Variants in SORCS2 observed in about 807,000 individuals in gnomAD.
The protein encoded by SORCS2 is VPS10 domain-containing receptor SorCS2.
SORCS2 carries 100 observed loss-of-function variants against 141.6 expected under a neutral mutation model. The ratio of observed to expected loss-of-function variants is 0.71; its 90% CI spans 0.60 to 0.83. The LOEUF is 0.83. Among genes scored for constraint, SORCS2 ranks in the 40% least tolerant of loss-of-function variants. The pLI is 0.00. For synonymous variants in SORCS2, 789 were observed against 676.9 expected, an observed-to-expected ratio of 1.17 and a Z score of -2.57; for missense variants, 1,646 against 1,560.2, an observed-to-expected ratio of 1.05 and a Z score of -0.93.
rs1220439245 is a variant in SORCS2 at position 7,663,680 on chromosome 4, A to G, written c.953-673A>G. Among the ~76,000 whole-genome samples the G allele has an allele frequency of 6.6e-6, 1 of 152,072 alleles. No homozygotes were observed. The highest frequency in any genetic ancestry group is 2.4e-5 in the African/African-American group (1 of 41,412). ...AAACGTCTTCCCTTAACCATTCTCC[A>G]TGCTGCCGGGTCACCCAAGGCTGGG... On this transcript the variant is annotated intron_variant, in intron 6 of 26. Transcript: ENST00000507866. This position sits in a 1 kb window ranked among gnomAD's most constrained non-coding sequence, Gnocchi z 4.8.
chr4:7,467,797 C>T (rs749801991), intron 2 of SORCS2, among the ~76,000 whole-genome samples: 18 of 152,234 alleles, frequency 1.2e-4, no homozygotes, highest in African/African-American at 3.4e-4. Context: ...CTGTGGCTCC[C>T]GGAGCCGGTC....
intron 14 of SORCS2, among the ~76,000 whole-genome samples, chr4:7,706,304 CAGGGATGAGGCTGGGCTCCGT>C (rs1206314092): frequency 2.8e-4 from 39 of 139,272 alleles, no homozygotes; most frequent in South Asian, 7.7e-4. Context: ...TCCGTCTGGG[CAGGGATGAGGCTGGGCTCCGT>C]CTGGGCAGGG....
intron 2 of SORCS2, among the ~76,000 whole-genome samples, chr4:7,493,710 G>A (rs1424480061): frequency 6.6e-6 from 1 of 152,180 alleles, no homozygotes; most frequent in African/African-American, 2.4e-5. Flanking sequence ...GGCTCCAGCT[G>A]GTCAGAGAGA....
intron 2 of SORCS2, among the ~76,000 whole-genome samples, chr4:7,455,728 ATCTTGGGGTCAGGCTCCG>A (rs942599429): frequency 6.3e-5 from 7 of 111,542 alleles, no homozygotes; most frequent in Non-Finnish European, 1.1e-4. Flanking sequence ...GTCAGGCACC[ATCTTGGGGTCAGGCTCCG>A]TCTTGGGGTC....
chr4:7,480,627 G>T lies in SORCS2; in HGVS notation c.549-50903G>T, dbSNP rs374347968. Among the ~76,000 whole-genome samples, 95 of 152,356 alleles carry T rather than the reference G, an allele frequency of 6.2e-4. 1 individual carries two copies. In the South Asian group the frequency reaches 0.018, roughly 30 times the overall value. On this transcript the variant is annotated intron_variant, in intron 2 of 26. Transcript: ENST00000507866. ...TGAGGAAACAGTTCCACCTGCCACA[G>T]TGAAACTGGGATGGCAGGTGCCCCG...
At chr4:7,352,555 G>A (rs992867539) in intron 1 of SORCS2, among the ~76,000 whole-genome samples, 1 of 152,220 alleles carries the variant, frequency 6.6e-6, no homozygotes, top group Non-Finnish European at 1.5e-5. Context: ...GAGAAAGCCA[G>A]TGGGCTGAGC....
At chr4:7,595,267 C>A (rs922960428) in intron 3 of SORCS2, among the ~76,000 whole-genome samples, 1 of 152,210 alleles carries the variant, frequency 6.6e-6, no homozygotes, top group East Asian at 1.9e-4. Flanking sequence ...GCTGCCACAT[C>A]CTCTCCAGCC....
chr4:7,714,388 C>T lies in SORCS2; in HGVS notation c.2123+15C>T, dbSNP rs757781043. The T allele has an allele frequency of 3.9e-6, 6 of 1,548,536 alleles. No individual in the cohort carries two copies. The highest frequency in any genetic ancestry group is 1.2e-5 in the South Asian group (1 of 84,030). ...GACTTCCTGTGGTGAGCGACGGGCT[C>T]CTGGCCACGAGGCCTCAGGCGCTGC... On this transcript the variant is annotated intron_variant, in intron 16 of 26. Coordinates refer to ENST00000507866, the MANE Select transcript of SORCS2 (RefSeq NM_020777.3).
rs1391817428 is a variant in SORCS2 at position 7,695,645 on chromosome 4, TGGATGGATGGATG to T, written c.1592-1551_1592-1539del. Among the ~76,000 whole-genome samples the T allele has an allele frequency of 3.6e-4, 4 of 11,074 alleles. 1 individual carries two copies. Among genetic ancestry groups the T allele is most frequent in the African/African-American group, 1.4e-3 (4 of 2,808 alleles). 7.3% of individuals were successfully genotyped at this position (11,074 alleles called of 152,430 possible). On this transcript the variant is annotated intron_variant, in intron 11 of 26. Transcript: ENST00000507866. ...ATGGATGGATGGGTGGGTGGATGGATGGATGGATGGATGGATGGATGGATGGATGGATGGATGG... is the reference window on the plus strand; with the variant it reads ...ATGGATGGATGGGTGGGTGGATGGATGATGGATGGATGGATGGATGGATGG...
chr4:7,722,140 A>G (rs1412161346), intron 18 of SORCS2, among the ~76,000 whole-genome samples: 1 of 152,210 alleles, frequency 6.6e-6, no homozygotes, highest in Non-Finnish European at 1.5e-5. Flanking sequence ...GCAGGAACAC[A>G]AGGCCCCGAG....
intron 1 of SORCS2, among the ~76,000 whole-genome samples, chr4:7,316,291 C>T (rs1718551229): frequency 6.6e-6 from 1 of 152,174 alleles, no homozygotes; most frequent in South Asian, 2.1e-4. Flanking sequence ...TTCATGTATC[C>T]ATCCAAACAA....
intron 3 of SORCS2, among the ~76,000 whole-genome samples, chr4:7,593,742 G>A (rs1229437711): frequency 6.6e-6 from 1 of 152,210 alleles, no homozygotes; most frequent in African/African-American, 2.4e-5. Flanking sequence ...TTGCCAGCCA[G>A]CACAGGACCA....
intron 9 of SORCS2, among the ~76,000 whole-genome samples, chr4:7,681,431 G>A (rs1723518560): frequency 6.6e-6 from 1 of 152,230 alleles, no homozygotes; most frequent in Admixed American, 6.5e-5. Context: ...TGCTAGCTTT[G>A]AAGATGAAGG....
intron 2 of SORCS2, among the ~76,000 whole-genome samples, chr4:7,528,372 AG>A (rs1733829094): frequency 6.7e-6 from 1 of 148,824 alleles, no homozygotes; most frequent in Non-Finnish European, 1.5e-5. Context: ...CTGCAGGGTG[AG>A]GGGCTTCCTA....
At position 7,625,558 on chromosome 4, in the gene SORCS2, T is replaced by C. The variant is rs13435331; in HGVS notation, c.649-12770T>C. 4.4e-3 allele frequency among the ~76,000 whole-genome samples: 662 copies of C among 151,744 alleles called. 4 individuals carry two copies. Among genetic ancestry groups the C allele is most frequent in the African/African-American group, 0.015 (607 of 41,308 alleles). On this transcript the variant is annotated intron_variant, in intron 3 of 26. Coordinates refer to ENST00000507866, the MANE Select transcript of SORCS2 (RefSeq NM_020777.3). ...GGGAGCCAGAAGCCACTGGTACCCA[T>C]GCCAAGGAGGTAGGTGCAGGAGCCG...
chr4:7,518,935 C>G (rs1244684804), intron 2 of SORCS2, among the ~76,000 whole-genome samples: 1 of 152,224 alleles, frequency 6.6e-6, no homozygotes, highest in Non-Finnish European at 1.5e-5. Context: ...CAGCCTCGCA[C>G]CTGCTGCCTG....
intron 2 of SORCS2, among the ~76,000 whole-genome samples, chr4:7,452,973 TGTGTTGGGGTCAGGCTCC>T (rs1366394882): frequency 1.5e-5 from 2 of 131,694 alleles, no homozygotes; most frequent in Non-Finnish European, 3.2e-5. Context: ...TCAGGTGCTG[TGTGTTGGGGTCAGGCTCC>T]GTGTTGGGGT....
At chr4:7,274,327 G>T (rs1016121704) in intron 1 of SORCS2, among the ~76,000 whole-genome samples, 9 of 152,246 alleles carry the variant, frequency 5.9e-5, no homozygotes, top group African/African-American at 2.2e-4. Context: ...AGGTGTATTA[G>T]TCCTTTCCTG....
intron 2 of SORCS2, among the ~76,000 whole-genome samples, chr4:7,416,933 C>T (rs567929311): frequency 1.2e-4 from 18 of 152,288 alleles, no homozygotes; most frequent in East Asian, 7.7e-4. Flanking sequence ...TTCACACACA[C>T]GCACACATAC....
Sources: allele counts gnomAD v4.1 joint callset (sites outside exome capture counted in the v4.1 genomes callset), GRCh38; gene constraint gnomAD v4.1.1; non-coding constraint Gnocchi (gnomAD v3.1); transcripts MANE v1.5; gene names NCBI Gene and HGNC (gene_info 2026-07-23, HGNC 2026-07-21).